ZNF609: variants seen among roughly 807,000 people sequenced by gnomAD.
ZNF609 encodes zinc finger protein 609.
In ZNF609, 11 loss-of-function variants were observed where a neutral mutation model predicts 109.5. The observed-to-expected ratio is 0.10, with a 90% confidence interval of 0.06 to 0.17. The LOEUF is 0.17. Among genes scored for constraint, ZNF609 ranks in the 10% least tolerant of loss-of-function variants. The probability of loss-of-function intolerance (pLI) is 1.00; values close to 1 mark genes in which losing one functional copy is unlikely to be tolerated. For missense variants in ZNF609, 1,559 were observed against 1,772.4 expected (o/e 0.88, Z 2.16); for synonymous variants, 646 against 662.0 (o/e 0.98, Z 0.37).
intron 2 of ZNF609, among the ~76,000 whole-genome samples, chr15:64,563,492 A>C (rs1444327946): frequency 8.6e-5 from 13 of 151,886 alleles, no homozygotes; most frequent in Non-Finnish European, 1.5e-4. Flanking sequence ...AATTTAAAAG[A>C]TTGGCGGGGC....
chr15:64,475,650 G>A (rs1020335136), intron 1 of ZNF609, among the ~76,000 whole-genome samples: 12 of 151,730 alleles, frequency 7.9e-5, no homozygotes, highest in Admixed American at 6.6e-4. Context: ...CTTGGCCTCC[G>A]AAAGTGCTTG....
chr15:64,586,298 C>A (rs903084411), intron 2 of ZNF609, among the ~76,000 whole-genome samples: 3 of 151,230 alleles, frequency 2.0e-5, no homozygotes, highest in Non-Finnish European at 4.4e-5. Context: ...TGCACTCTAG[C>A]CTGGGCAACA....
intron 2 of ZNF609, among the ~76,000 whole-genome samples, chr15:64,588,090 A>G (rs1895227361): frequency 6.6e-6 from 1 of 151,724 alleles, no homozygotes; most frequent in Non-Finnish European, 1.5e-5. Context: ...AGCTGCTGCG[A>G]TCAAACCACT....
chr15:64,496,622 G>C (rs1343877966), intron 1 of ZNF609, among the ~76,000 whole-genome samples: 6 of 152,128 alleles, frequency 3.9e-5, no homozygotes, highest in African/African-American at 1.4e-4. Context: ...CTTACTTGCT[G>C]CTGTATTTTC....
rs1449103249 is a variant in ZNF609 at position 64,474,114 on chromosome 15, G to C, written c.-128+13276G>C. 4.0e-5 allele frequency among the ~76,000 whole-genome samples: 6 copies of C among 151,072 alleles called. No individual in the cohort carries two copies. The East Asian group carries it at 1.2e-3, about 30-fold the overall frequency. On this transcript the variant is annotated intron_variant, in intron 1 of 9. Transcript: ENST00000326648. ...GTAGAGACGGGGTTTCACCATCTTG[G>C]CCAGGCTGGTCTCGAACTCCTGACC...
chr15:64,512,728 T>C (rs1893751812), intron 2 of ZNF609, among the ~76,000 whole-genome samples: 1 of 152,152 alleles, frequency 6.6e-6, no homozygotes, highest in African/African-American at 2.4e-5. Flanking sequence ...AAGTATTTCC[T>C]TGCTGAGATT....
At chr15:64,472,539 T>C (rs1893106590) in intron 1 of ZNF609, among the ~76,000 whole-genome samples, 1 of 152,208 alleles carries the variant, frequency 6.6e-6, no homozygotes, top group South Asian at 2.1e-4. Context: ...CTGGTTGAGA[T>C]GAATTTTCAT....
intron 3 of ZNF609, among the ~76,000 whole-genome samples, chr15:64,627,539 C>G (rs1036758163): frequency 6.6e-6 from 1 of 152,036 alleles, no homozygotes; most frequent in Non-Finnish European, 1.5e-5. Flanking sequence ...TTCTATATCT[C>G]TGCCACTATC....
intron 2 of ZNF609, among the ~76,000 whole-genome samples, chr15:64,544,567 G>T (rs1172969361): frequency 6.6e-6 from 1 of 152,144 alleles, no homozygotes. Flanking sequence ...TGCTAGGCTG[G>T]TTCTCCTTCC....
chr15:64,594,705 T>C (rs1210401509), intron 2 of ZNF609, among the ~76,000 whole-genome samples: 1 of 151,784 alleles, frequency 6.6e-6, no homozygotes, highest in Non-Finnish European at 1.5e-5. Flanking sequence ...AGAATGAACG[T>C]AAGGATTTTT....
intron 1 of ZNF609, among the ~76,000 whole-genome samples, chr15:64,475,305 C>A (rs1416216080): frequency 6.6e-6 from 1 of 151,780 alleles, no homozygotes; most frequent in Non-Finnish European, 1.5e-5. Flanking sequence ...TTCTTCCTAT[C>A]CACCTATCTC....
At chr15:64,504,695 G>C (rs1449742138) in intron 2 of ZNF609, among the ~76,000 whole-genome samples, 1 of 150,918 alleles carries the variant, frequency 6.6e-6, no homozygotes, top group African/African-American at 2.4e-5. Context: ...TGGCCAGGCT[G>C]GTCTCAAATT....
intron 3 of ZNF609, among the ~76,000 whole-genome samples, chr15:64,642,751 G>A (rs909665939): frequency 1.3e-5 from 2 of 152,136 alleles, no homozygotes; most frequent in South Asian, 2.1e-4. Flanking sequence ...CCCTGACTGT[G>A]CCACTGCACT....
intron 3 of ZNF609, among the ~76,000 whole-genome samples, chr15:64,654,746 G>A (rs1896464812): frequency 6.6e-6 from 1 of 152,124 alleles, no homozygotes; most frequent in Non-Finnish European, 1.5e-5. Flanking sequence ...ATAGGTATAG[G>A]TATTACAACC....
chr15:64,558,199 T>C (rs927150907), intron 2 of ZNF609, among the ~76,000 whole-genome samples: 3 of 152,192 alleles, frequency 2.0e-5, no homozygotes, highest in Non-Finnish European at 4.4e-5. Context: ...ACCTTTTTTG[T>C]TCTCCAAATT....
At chr15:64,605,367 G>A (rs1279793593) in intron 2 of ZNF609, among the ~76,000 whole-genome samples, 2 of 152,090 alleles carry the variant, frequency 1.3e-5, no homozygotes, top group Admixed American at 6.5e-5. Context: ...AAGAAGGGAG[G>A]GAAAGCATGA....
intron 2 of ZNF609, among the ~76,000 whole-genome samples, chr15:64,514,935 C>G (rs529985190): frequency 4.6e-5 from 7 of 152,006 alleles, no homozygotes; most frequent in African/African-American, 1.7e-4. Flanking sequence ...CTGCGCCCAC[C>G]CTTTTTTTTA....
intron 2 of ZNF609, among the ~76,000 whole-genome samples, chr15:64,576,967 CATAAATATATATAT>C (rs1894971661): frequency 7.5e-6 from 1 of 133,076 alleles, no homozygotes; most frequent in African/African-American, 2.9e-5. Context: ...TATATATACA[CATAAATATATATAT>C]GTATGTATAC....
chr15:64,505,029 C>T (rs1037439663), intron 2 of ZNF609, among the ~76,000 whole-genome samples: 3 of 152,108 alleles, frequency 2.0e-5, no homozygotes, highest in Non-Finnish European at 2.9e-5. Flanking sequence ...TTGCTTTTAC[C>T]CCAAAACTGC....
Sources: allele counts gnomAD v4.1 joint callset (sites outside exome capture counted in the v4.1 genomes callset), GRCh38; gene constraint gnomAD v4.1.1; transcripts MANE v1.5; gene names NCBI Gene and HGNC (gene_info 2026-07-23, HGNC 2026-07-21).